Variants in ACER2 observed in about 807,000 individuals in gnomAD.
The protein encoded by ACER2 is alkCDase 2.
A neutral mutation model predicts 34.7 loss-of-function variants in ACER2; 26 were observed. That is an observed-to-expected ratio of 0.75 (90% CI 0.55 to 1.04). The LOEUF (loss-of-function observed/expected upper bound fraction) is 1.04, where lower values mean the gene tolerates loss of function less well. Ranked by LOEUF, ACER2 falls within the 50% of genes least tolerant of loss-of-function variation. The pLI, the probability that ACER2 is intolerant of heterozygous loss-of-function variation, is 0.00. For synonymous variants in ACER2, 138 were observed against 132.1 expected (o/e 1.04, Z -0.31); for missense variants, 352 against 340.8 (o/e 1.03, Z -0.26).
chr9:19,433,935 CT>C (rs1187807598), intron 3 of ACER2, among the ~76,000 whole-genome samples: 1 of 151,800 alleles, frequency 6.6e-6, no homozygotes, highest in African/African-American at 2.4e-5. Flanking sequence ...GACGGGGCGG[CT>C]GGCCGGGCAG....
At chr9:19,434,343 G>A (rs1240906785) in intron 3 of ACER2, among the ~76,000 whole-genome samples, 1 of 152,144 alleles carries the variant, frequency 6.6e-6, no homozygotes, top group Non-Finnish European at 1.5e-5. Context: ...CGGCCAGGCA[G>A]AGACGCTCCT....
At chr9:19,429,861 T>C (rs892525691) in intron 3 of ACER2, among the ~76,000 whole-genome samples, 1 of 152,164 alleles carries the variant, frequency 6.6e-6, no homozygotes, top group African/African-American at 2.4e-5. Flanking sequence ...GTCCGTTTCA[T>C]GACCAAATGC....
rs1220475705 is a variant in ACER2 at position 19,451,278 on chromosome 9, A to C, written c.*642A>C. The C allele has an allele frequency of 6.6e-6, 1 of 152,590 alleles. No homozygotes were observed. The highest frequency in any genetic ancestry group is 1.5e-5 in the Non-Finnish European group (1 of 68,086). The allele number at this position is 152,590 out of a possible 1,614,324, so 9.5% of individuals were successfully genotyped here. ...ATGACAGACAGACCCTCTGAGAGAC[A>C]AGACCCTCTGACTCTGTGATGGAAG... On this transcript the variant is annotated 3_prime_UTR_variant, in exon 6 of 6. Transcript: ENST00000340967.
In ACER2 at chr9:19,440,231, C is replaced by G. The variant is rs533994906; in HGVS notation, c.503+5147C>G. 6.6e-5 allele frequency among the ~76,000 whole-genome samples: 10 copies of G among 152,318 alleles called. No individual in the cohort carries two copies. In the South Asian group the frequency reaches 1.7e-3, roughly 25 times the overall value. On this transcript the variant is annotated intron_variant, in intron 4 of 5. Coordinates refer to ENST00000340967, the MANE Select transcript of ACER2 (RefSeq NM_001010887.3). The stretch of plus-strand genomic sequence containing the variant: ...CATCCTCCTGGCTTTCCCACTACCT[C>G]TCGGCAGCTCCTTTTCAGTCTCTTG...
chr9:19,433,620 T>C (rs1404134921), intron 3 of ACER2, among the ~76,000 whole-genome samples: 2 of 152,252 alleles, frequency 1.3e-5, no homozygotes, highest in Non-Finnish European at 2.9e-5. Context: ...CCCTTTCTAT[T>C]CCACAAAGCC....
chr9:19,434,813 T>C, intron 3 of ACER2, 134 bp from the exon 4 acceptor site: 1 of 1,192,066 alleles, frequency 8.4e-7, no homozygotes, highest in Non-Finnish European at 1.2e-6. Flanking sequence ...AGTGGCTTTT[T>C]GAACCTTGGT....
At chr9:19,419,723 G>A (rs547943678) in intron 1 of ACER2, among the ~76,000 whole-genome samples, 19 of 152,208 alleles carry the variant, frequency 1.2e-4, no homozygotes, top group African/African-American at 4.1e-4. Context: ...AGATCGTGCC[G>A]TTGCACTCCA....
chr9:19,414,630 C>G (rs532051807), intron 1 of ACER2, among the ~76,000 whole-genome samples: 2 of 152,156 alleles, frequency 1.3e-5, no homozygotes, highest in African/African-American at 2.4e-5. Context: ...AAACCCTACC[C>G]TGTCTCTACA....
intron 1 of ACER2, among the ~76,000 whole-genome samples, chr9:19,412,144 TGG>T (rs1007681908): frequency 6.6e-6 from 1 of 152,214 alleles, no homozygotes; most frequent in Non-Finnish European, 1.5e-5. Flanking sequence ...ACTCCTGTCT[TGG>T]GATCATTTTA....
intron 1 of ACER2, among the ~76,000 whole-genome samples, chr9:19,422,946 C>G (rs1047692750): frequency 6.6e-6 from 1 of 150,624 alleles, no homozygotes; most frequent in Non-Finnish European, 1.5e-5. Context: ...GCAGGAGAAT[C>G]GCTTGAACCT....
intron 2 of ACER2, 48 bp downstream of exon 2, chr9:19,424,024 G>C: frequency 7.2e-7 from 1 of 1,386,486 alleles, no homozygotes. Flanking sequence ...TGGTGGGATG[G>C]GGGTAGAAGG....
intron 3 of ACER2, among the ~76,000 whole-genome samples, chr9:19,430,913 G>A (rs542196579): frequency 5.9e-5 from 9 of 152,034 alleles, no homozygotes; most frequent in East Asian, 1.9e-4. Flanking sequence ...AGCTGAGATC[G>A]CACCACTGCT....
chr9:19,418,640 G>A (rs1447340019), intron 1 of ACER2, among the ~76,000 whole-genome samples: 1 of 152,004 alleles, frequency 6.6e-6, no homozygotes, highest in Non-Finnish European at 1.5e-5. Flanking sequence ...AAGTGGGAGT[G>A]GAACGAGAAC....
chr9:19,445,721 G>A (rs1049936307), intron 4 of ACER2, among the ~76,000 whole-genome samples: 1 of 152,214 alleles, frequency 6.6e-6, no homozygotes, highest in Admixed American at 6.5e-5. Context: ...CACGAGAGGA[G>A]GTGAAGGGGA....
At chr9:19,420,036 C>T (rs552679739) in intron 1 of ACER2, among the ~76,000 whole-genome samples, 108 of 152,282 alleles carry the variant, frequency 7.1e-4, no homozygotes, top group Admixed American at 2.9e-3. Flanking sequence ...CTTGAAGCTG[C>T]CAGTCCTCAC....
intron 2 of ACER2, 31 bp downstream of exon 2, chr9:19,424,007 A>G: frequency 6.6e-7 from 1 of 1,517,192 alleles, no homozygotes. Context: ...ACACGGACTT[A>G]ATGGGGTGGT....
At chr9:19,418,406 A>G (rs1373922775) in intron 1 of ACER2, among the ~76,000 whole-genome samples, 3 of 152,214 alleles carry the variant, frequency 2.0e-5, no homozygotes, top group Non-Finnish European at 2.9e-5. Context: ...AAGTATGTTT[A>G]TTGCAGCACT....
chr9:19,412,897 T>C (rs1589030208), intron 1 of ACER2, among the ~76,000 whole-genome samples: 1 of 152,328 alleles, frequency 6.6e-6, no homozygotes, highest in South Asian at 2.1e-4. Flanking sequence ...GGACATTTCA[T>C]ATAGTTTCTC....
Position 19,436,778 on chromosome 9 carries a change from A to C in ACER2, c.503+1694A>C, listed in dbSNP as rs75904432. Among the ~76,000 whole-genome samples the C allele has an allele frequency of 1.0e-3, 152 of 152,262 alleles. 3 individuals are homozygous for C. Among genetic ancestry groups the C allele is most frequent in the Non-Finnish European group, 8.8e-4 (60 of 68,002 alleles). On this transcript the variant is annotated intron_variant, in intron 4 of 5. Coordinates refer to ENST00000340967, the MANE Select transcript of ACER2 (RefSeq NM_001010887.3). ...CCATTTAGGTTGTTTCCAGTTTTTC[A>C]TTATTAGAAATATCTCTGTGATGAA...
Sources: gnomAD v4.1 joint callset for allele counts (sites outside exome capture counted in the v4.1 genomes callset) on GRCh38, gnomAD v4.1.1 for gene constraint, MANE v1.5 for transcripts, NCBI Gene and HGNC (gene_info 2026-07-23, HGNC 2026-07-21) for gene names.